The following PRH1 variants were observed in gnomAD, a reference collection of about 807,000 sequenced individuals.
PRH1 encodes proline rich protein HaeIII subfamily 1, also known as salivary acidic proline-rich phosphoprotein 1/2.
Under a neutral mutation model 7.9 loss-of-function variants are expected in PRH1, and 7 were observed. That is an observed-to-expected ratio of 0.89 (90% confidence interval 0.50 to 1.67). The LOEUF is 1.67. Among genes scored for constraint, PRH1 ranks in the 40% most tolerant of loss-of-function variants. The pLI is 0.00. For synonymous variants in PRH1, 45 were observed against 80.8 expected, an observed-to-expected ratio of 0.56 and a Z score of 2.38; for missense variants, 109 against 223.6, an observed-to-expected ratio of 0.49 and a Z score of 3.27.
chr12:10,887,356 G>A (rs541486674), upstream of PRH1, among the ~76,000 whole-genome samples: 58 of 152,212 alleles, frequency 3.8e-4, no homozygotes, highest in Non-Finnish European at 6.9e-4. Context: ...TGATAATACA[G>A]TTAGCAAATA....
chr12:10,968,379 A>G (rs1028994533), intron 2 of PRH1, among the ~76,000 whole-genome samples: 1 of 152,212 alleles, frequency 6.6e-6, no homozygotes, highest in African/African-American at 2.4e-5. Flanking sequence ...GCATTATCCA[A>G]TTTATGAATG....
At chr12:11,037,028 T>A (rs1389520947) in intron 1 of PRH1, among the ~76,000 whole-genome samples, 1 of 152,226 alleles carries the variant, frequency 6.6e-6, no homozygotes, top group East Asian at 1.9e-4. Flanking sequence ...TCATCAAGAA[T>A]AATGTAAAAC....
intron 1 of PRH1, among the ~76,000 whole-genome samples, chr12:11,033,773 GTAA>G (rs1226816809): frequency 3.3e-5 from 5 of 151,966 alleles, no homozygotes; most frequent in Non-Finnish European, 7.4e-5. Context: ...AATGAGACGA[GTAA>G]TAATAATTTC....
At chr12:10,945,371 A>G (rs1416947683) in intron 2 of PRH1, among the ~76,000 whole-genome samples, 7 of 152,202 alleles carry the variant, frequency 4.6e-5, no homozygotes, top group Non-Finnish European at 8.8e-5. Context: ...ATAAAAAGAC[A>G]GAGTACAAAA....
At chr12:11,101,934 C>G (rs1212889775) in intron 1 of PRH1, among the ~76,000 whole-genome samples, 3 of 152,022 alleles carry the variant, frequency 2.0e-5, no homozygotes, top group Non-Finnish European at 4.4e-5. Context: ...TGAGTGAACT[C>G]CCATTCACAA....
intron 1 of PRH1, among the ~76,000 whole-genome samples, chr12:11,151,349 G>A (rs1235674356): frequency 2.0e-5 from 3 of 151,986 alleles, no homozygotes; most frequent in Non-Finnish European, 4.4e-5. Flanking sequence ...CTACACCAGG[G>A]GCTGGTTAGA....
chr12:11,023,621 G>C (rs1183154577), intron 1 of PRH1, among the ~76,000 whole-genome samples: 1 of 125,882 alleles, frequency 7.9e-6, no homozygotes, highest in South Asian at 2.7e-4. Context: ...AATTTACAGA[G>C]ATTTAAGATG....
intron 2 of PRH1, chr12:10,965,381 T>A: frequency 1.0e-6 from 1 of 988,250 alleles, no homozygotes; most frequent in Non-Finnish European, 1.4e-6. Context: ...ATAGAATAAA[T>A]GAAGGCCTAA....
chr12:11,087,102 G>GT (rs376472781), intron 1 of PRH1, among the ~76,000 whole-genome samples: 2,808 of 86,734 alleles, frequency 0.032, 729 homozygotes, highest in South Asian at 0.048. Context: ...AGTTAAACTT[G>GT]TTTTTTTTTT....
intron 3 of PRH1, 21 bp from the exon 4 acceptor site, chr12:10,881,077 A>G (rs1455451233): frequency 3.7e-5 from 7 of 188,862 alleles, no homozygotes; most frequent in African/African-American, 1.4e-4. Context: ...CAAGCAAACA[A>G]GGAAGATTAC....
At chr12:10,994,706 G>C (rs548872292) in intron 1 of PRH1, among the ~76,000 whole-genome samples, 10 of 152,040 alleles carry the variant, frequency 6.6e-5, no homozygotes, top group Non-Finnish European at 1.3e-4. Context: ...TTTTCCATCA[G>C]TTTATAATAT....
intron 1 of PRH1, among the ~76,000 whole-genome samples, chr12:11,057,057 A>T (rs961608897): frequency 6.6e-6 from 1 of 151,400 alleles, no homozygotes; most frequent in African/African-American, 2.4e-5. Flanking sequence ...CCCAAGCTGG[A>T]GTACAGTGGC....
chr12:11,061,324 T>C (rs898894334), intron 1 of PRH1: 5 of 1,568,696 alleles, frequency 3.2e-6, no homozygotes, highest in Non-Finnish European at 4.3e-6. Context: ...TATAACACGT[T>C]TGTTTTCTGC....
At chr12:11,021,482 CACACATAT>C (rs1941624294) in intron 1 of PRH1, 6 of 473,322 alleles carry the variant, frequency 1.3e-5, no homozygotes, top group Non-Finnish European at 2.2e-5. Flanking sequence ...CACACACATG[CACACATAT>C]ACACCCATAA....
In PRH1 at chr12:10,930,322, C is replaced by T. The variant is rs779690200; in HGVS notation, c.-59+43333G>A. ...AATATCAGGTAAATCCCAATAAATT[C>T]TCAGTAAACTCTGTCTCCATTTTTC... is the stretch of plus-strand genomic sequence containing the variant. On this transcript the variant is annotated intron_variant, in intron 2 of 3. Coordinates refer to the PRH1 transcript ENST00000539853. The T allele has an allele frequency of 3.1e-6, 5 of 1,606,324 alleles. No individual in the cohort carries two copies. In the Admixed American group the frequency reaches 6.7e-5, roughly 21 times the overall value.
chr12:11,124,991 C>T (rs527495333), intron 1 of PRH1, among the ~76,000 whole-genome samples: 68 of 152,120 alleles, frequency 4.5e-4, no homozygotes, highest in Non-Finnish European at 6.0e-4. Flanking sequence ...TACAGGTGCC[C>T]GCCATCACGC....
At chr12:10,934,270 G>A (rs1396918410) in intron 2 of PRH1, among the ~76,000 whole-genome samples, 1 of 152,040 alleles carries the variant, frequency 6.6e-6, no homozygotes, top group East Asian at 1.9e-4. Context: ...TTGCAGCTCT[G>A]GCTTTCTTTC....
intron 2 of PRH1, among the ~76,000 whole-genome samples, chr12:10,909,886 T>C (rs998398171): frequency 6.6e-6 from 1 of 152,162 alleles, no homozygotes; most frequent in African/African-American, 2.4e-5. Flanking sequence ...AAAGAGAAAC[T>C]CGTTTACAAA....
chr12:11,104,181 T>TAAAAAAAAAAAA, intron 1 of PRH1, among the ~76,000 whole-genome samples: 1 of 49,590 alleles, frequency 2.0e-5, no homozygotes, highest in Non-Finnish European at 4.2e-5. Context: ...AATGAAAGAG[T>TAAAAAAAAAAAA]AAAAAAAAAA....
Sources: allele counts gnomAD v4.1 joint callset (sites outside exome capture counted in the v4.1 genomes callset), GRCh38; gene constraint gnomAD v4.1.1; transcripts MANE v1.5; gene names NCBI Gene and HGNC (gene_info 2026-07-23, HGNC 2026-07-21).